TBCD: variants seen among roughly 807,000 people sequenced by gnomAD.
The protein encoded by TBCD is tubulin folding cofactor D, also known as tubulin-specific chaperone D.
Under a neutral mutation model 169.3 loss-of-function variants are expected in TBCD, and 105 were observed. That is an observed-to-expected ratio of 0.62 (90% CI 0.53 to 0.73). The LOEUF is 0.73. TBCD is among the 30% of genes least tolerant of loss of function. TBCD has a pLI of 0.00. For missense variants in TBCD, 1,444 were observed against 1,600.1 expected (o/e 0.90, Z 1.66); for synonymous variants, 700 against 643.9 (o/e 1.09, Z -1.32).
chr17:82,905,020 A>C (rs2060136625), intron 19 of TBCD, among the ~76,000 whole-genome samples: 1 of 152,168 alleles, frequency 6.6e-6, no homozygotes, highest in Non-Finnish European at 1.5e-5. Context: ...GCCTGGCAGC[A>C]CTTGGGGAGG....
chr17:82,883,732 G>A (rs909486430), intron 14 of TBCD, among the ~76,000 whole-genome samples: 43 of 152,176 alleles, frequency 2.8e-4, no homozygotes, highest in African/African-American at 1.0e-3. Flanking sequence ...ACCTTGGTTT[G>A]CCCCCCTGTC....
At chr17:82,932,777 A>AT in intron 34 of TBCD, 42 bp downstream of exon 34, 1 of 1,592,846 alleles carries the variant, frequency 6.3e-7, no homozygotes. Context: ...GATTAAGCCT[A>AT]AGTAGCTCAT....
chr17:82,913,805 G>C (rs190058957), intron 23 of TBCD: 1 of 152,428 alleles, frequency 6.6e-6, no homozygotes, highest in East Asian at 1.9e-4. Context: ...GCCGCTGTTG[G>C]CCGCAGGGCA....
intron 34 of TBCD, among the ~76,000 whole-genome samples, chr17:82,936,116 C>G (rs7218129): frequency 0.35 from 53,604 of 152,170 alleles, 10,280 homozygotes; most frequent in South Asian, 0.57. Context: ...TGCTCCTTCC[C>G]TGGTTTTTCT....
Position 82,869,818 on chromosome 17 carries a change from T to TCTCTCCCTCCCCTGAACCAGGGGCGC in TBCD, c.1319-381_1319-356dup, listed in dbSNP as rs895334105. On this transcript the variant is annotated intron_variant, in intron 13 of 38. Coordinates refer to ENST00000355528, the MANE Select transcript of TBCD (RefSeq NM_005993.5). ...TTCCAGGCACTGCCTGGCATCTGCG[T>TCTCTCCCTCCCCTGAACCAGGGGCGC]CTCTCCCTCCCCTGAACCAGGGGCG... is the stretch of plus-strand genomic sequence containing the variant. 1.1e-4 allele frequency among the ~76,000 whole-genome samples: 17 copies of TCTCTCCCTCCCCTGAACCAGGGGCGC among 152,084 alleles called. 1 individual carries two copies. The South Asian group carries it at 3.3e-3, about 30-fold the overall frequency.
At chr17:82,927,068 G>T (rs548771991) in intron 28 of TBCD, 118 bp from the exon 29 acceptor site, 216 of 1,408,592 alleles carry the variant, frequency 1.5e-4, no homozygotes, top group Non-Finnish European at 1.9e-4. Flanking sequence ...TCTACCCGAG[G>T]GTCCTGGACT....
At position 82,792,550 on chromosome 17, in the gene TBCD, A is replaced by G. The variant is rs554205463; in HGVS notation, c.772-5207A>G. On this transcript the variant is annotated intron_variant, in intron 7 of 38. Coordinates refer to ENST00000355528, the MANE Select transcript of TBCD (RefSeq NM_005993.5). ...TGAATGACAGACGTAGGAAGCCACA[A>G]TCATTTTGTGTTTTCCACACTCTCT... Among the ~76,000 whole-genome samples the G allele has an allele frequency of 2.6e-5, 4 of 152,196 alleles. No homozygotes were observed. The South Asian group carries it at 6.2e-4, about 24-fold the overall frequency.
intron 14 of TBCD, among the ~76,000 whole-genome samples, chr17:82,881,419 C>G (rs72859944): frequency 2.6e-4 from 39 of 152,356 alleles, no homozygotes; most frequent in Non-Finnish European, 5.1e-4. Flanking sequence ...GGGGAGGTCC[C>G]GGAACGTGGG....
Position 82,903,491 on chromosome 17 carries a change from C to G in TBCD, c.1804+13C>G, listed in dbSNP as rs144062592. 11,357 of 1,584,214 alleles carry G rather than the reference C, an allele frequency of 7.2e-3. 67 individuals are homozygous for G. The highest frequency in any genetic ancestry group is 9.2e-3 in the South Asian group (800 of 86,492). The stretch of plus-strand genomic sequence containing the variant: ...AGCGCCACGCAAGGTGGGTGTGTGT[C>G]CCGGCCGGCCTGCGGGCACCATGCA... On this transcript the variant is annotated intron_variant, in intron 19 of 38. Coordinates refer to ENST00000355528, the MANE Select transcript of TBCD (RefSeq NM_005993.5). This position sits in a 1 kb window ranked among gnomAD's most constrained non-coding sequence, Gnocchi z 4.8.
intron 13 of TBCD, among the ~76,000 whole-genome samples, chr17:82,821,927 TA>T (rs1192171937): frequency 6.6e-6 from 1 of 152,260 alleles, no homozygotes. Flanking sequence ...ATTAAATTTT[TA>T]TAAGTTTATA....
At chr17:82,827,514 C>A (rs968664093) in intron 13 of TBCD, among the ~76,000 whole-genome samples, 1 of 152,200 alleles carries the variant, frequency 6.6e-6, no homozygotes, top group Admixed American at 6.5e-5. Context: ...CATTGAGTAG[C>A]CCCAGGGGTG....
intron 27 of TBCD, among the ~76,000 whole-genome samples, chr17:82,925,563 G>T (rs2061673757): frequency 6.6e-6 from 1 of 152,116 alleles, no homozygotes; most frequent in Non-Finnish European, 1.5e-5. Flanking sequence ...CGGCCACCTG[G>T]CGTCTGAAGC....
At chr17:82,816,311 G>A (rs914921122) in intron 13 of TBCD, among the ~76,000 whole-genome samples, 4 of 152,160 alleles carry the variant, frequency 2.6e-5, no homozygotes, top group Admixed American at 6.5e-5. Flanking sequence ...GTACATCTGG[G>A]TTGTTTCCAC....
intron 13 of TBCD, among the ~76,000 whole-genome samples, chr17:82,868,925 G>A (rs1038981498): frequency 3.3e-5 from 5 of 151,916 alleles, no homozygotes; most frequent in South Asian, 2.1e-4. Flanking sequence ...GCAGAGCCCC[G>A]AACGAGACCC....
Position 82,789,230 on chromosome 17 carries a change from C to G in TBCD, c.771+7509C>G, listed in dbSNP as rs1408558191. Among the ~76,000 whole-genome samples, 1 of 152,200 alleles carries G rather than the reference C, an allele frequency of 6.6e-6. No individual in the cohort carries two copies. The highest frequency in any genetic ancestry group is 6.5e-5 in the Admixed American group (1 of 15,280). ...AAGGAAAGACCTGGAGCAGCCAGCT[C>G]CTAACACTCATTTCCCATCACTCAG... On this transcript the variant is annotated intron_variant, in intron 7 of 38. Transcript: ENST00000355528. This position sits in a 1 kb window ranked among gnomAD's most constrained non-coding sequence, Gnocchi z 4.8.
intron 22 of TBCD, among the ~76,000 whole-genome samples, chr17:82,909,648 GC>G (rs2060487628): frequency 2.0e-5 from 3 of 146,912 alleles, no homozygotes; most frequent in South Asian, 2.1e-4. Flanking sequence ...CACCCGGCCC[GC>G]TGTGGGAGGC....
chr17:82,854,269 A>G (rs2056064773), intron 13 of TBCD, among the ~76,000 whole-genome samples: 1 of 152,208 alleles, frequency 6.6e-6, no homozygotes. Context: ...AACACAGGTA[A>G]ACAACACACA....
intron 23 of TBCD, chr17:82,918,215 G>C (rs564261475): frequency 6.6e-6 from 1 of 152,368 alleles, no homozygotes; most frequent in African/African-American, 2.4e-5. Context: ...TCATGTGTGT[G>C]TGGAGTGGCC....
chr17:82,878,400 C>T (rs1456182142), intron 14 of TBCD, among the ~76,000 whole-genome samples: 4 of 152,256 alleles, frequency 2.6e-5, no homozygotes, highest in African/African-American at 7.2e-5. Context: ...TCCCGTCACC[C>T]GCTCCAAGCC....
Sources: allele counts gnomAD v4.1 joint callset (sites outside exome capture counted in the v4.1 genomes callset), GRCh38; gene constraint gnomAD v4.1.1; non-coding constraint Gnocchi (gnomAD v3.1); transcripts MANE v1.5; gene names NCBI Gene and HGNC (gene_info 2026-07-23, HGNC 2026-07-21).